The following GEN1 variants were observed in gnomAD, a reference collection of about 807,000 sequenced individuals.
GEN1 encodes the protein flap endonuclease GEN homolog 1.
Under a neutral mutation model 67.6 loss-of-function variants are expected in GEN1, and 64 were observed. The observed-to-expected ratio is 0.95, with a 90% CI of 0.77 to 1.17. The LOEUF (loss-of-function observed/expected upper bound fraction) is 1.17. Among genes scored for constraint, GEN1 ranks in the 50% most tolerant of loss-of-function variants. The probability of loss-of-function intolerance (pLI) is 0.00; values close to 1 mark genes in which losing one functional copy is unlikely to be tolerated. For synonymous variants in GEN1, 371 were observed against 359.4 expected, an observed-to-expected ratio of 1.03 and a Z score of -0.37; for missense variants, 1,058 against 1,048.3, an observed-to-expected ratio of 1.01 and a Z score of -0.13.
chr2:17,769,059 G>A (rs527835164), intron 6 of GEN1, among the ~76,000 whole-genome samples: 78 of 151,358 alleles, frequency 5.2e-4, no homozygotes, highest in Non-Finnish European at 9.9e-4. Flanking sequence ...TCACTGTGTC[G>A]CCTAGGCTGC....
In GEN1 at chr2:17,780,974, A is replaced by T; in HGVS notation, c.1762A>T (p.Ile588Phe). ...SVIADLHLST[I>F]DWEGTSFSNS... The stretch of plus-strand genomic sequence containing the variant: ...GATTGCTGATCTACACTTGAGCACT[A>T]TTGACTGGGAAGGTACTTCTTTTAG... The change falls in exon 14 of 14, where the codon ATT becomes TTT. Residue 588 changes from isoleucine to phenylalanine, a missense_variant. Transcript: ENST00000381254. The T allele has an allele frequency of 1.2e-6, 2 of 1,613,460 alleles. No individual in the cohort carries two copies. The highest frequency in any genetic ancestry group is 1.7e-6 in the Non-Finnish European group (2 of 1,179,494).
chr2:17,768,283 A>G (rs1681012380), intron 5 of GEN1, among the ~76,000 whole-genome samples: 1 of 152,142 alleles, frequency 6.6e-6, no homozygotes, highest in South Asian at 2.1e-4. Context: ...TTCAAGAGTT[A>G]ACTTAAAACG....
intron 12 of GEN1, among the ~76,000 whole-genome samples, chr2:17,778,327 TAC>T (rs1672614700): frequency 1.9e-5 from 1 of 53,290 alleles, no homozygotes; most frequent in Non-Finnish European, 3.6e-5. Flanking sequence ...CACACACGTG[TAC>T]ATATATGTAT....
chr2:17,765,122 T>C, intron 4 of GEN1, 49 bp downstream of exon 4: 1 of 1,546,302 alleles, frequency 6.5e-7, no homozygotes, highest in South Asian at 1.1e-5. Context: ...AACTACCTTT[T>C]TTAAAGGGCT....
Position 17,782,051 on chromosome 2 carries a change from A to G in GEN1, c.*112A>G, listed in dbSNP as rs1004051596. ...TAAAAATTTTAATGTTCTCTGTGTCATGAAACACTTGCCATTTTAATCAAA... is the reference window on the plus strand; with the variant it reads ...TAAAAATTTTAATGTTCTCTGTGTCGTGAAACACTTGCCATTTTAATCAAA... On this transcript the variant is annotated 3_prime_UTR_variant, in exon 14 of 14. Coordinates refer to ENST00000381254, the MANE Select transcript of GEN1 (RefSeq NM_001130009.3). 1.9e-5 allele frequency: 11 copies of G among 589,128 alleles called. No individual in the cohort carries two copies. The highest frequency in any genetic ancestry group is 3.2e-5 in the South Asian group (1 of 31,596). The allele number at this position is 589,128 out of a possible 1,614,324, so 36.5% of individuals were successfully genotyped here. A position where few individuals can be genotyped will look rare whatever the true frequency, so the allele number is the denominator to read the frequency against.
At chr2:17,775,174 CAT>C (rs1156637834) in intron 11 of GEN1, among the ~76,000 whole-genome samples, 11 of 152,172 alleles carry the variant, frequency 7.2e-5, no homozygotes, top group East Asian at 5.8e-4. Context: ...AAGATGAAGA[CAT>C]ATGTCTGTAA....
At chr2:17,779,120 G>A (rs1439193480) in intron 12 of GEN1, among the ~76,000 whole-genome samples, 3 of 152,028 alleles carry the variant, frequency 2.0e-5, no homozygotes, top group Non-Finnish European at 4.4e-5. Context: ...ATGGAGTTTC[G>A]TTATTTTGGC....
intron 4 of GEN1, 86 bp from the exon 5 acceptor site, chr2:17,766,493 T>C: frequency 1.3e-6 from 1 of 754,876 alleles, no homozygotes; most frequent in Non-Finnish European, 2.2e-6. Context: ...CATTTAAAGA[T>C]AACATTGACA....
In GEN1 at chr2:17,781,559, A is replaced by G. The variant is rs1672836801; in HGVS notation, c.2347A>G (p.Met783Val). 6.2e-7 allele frequency: 1 copy of G among 1,613,828 alleles called. No homozygotes were observed. The highest frequency in any genetic ancestry group is 1.7e-5 in the Admixed American group (1 of 60,008). The change falls in exon 14 of 14, where the codon ATG becomes GTG. Residue 783 changes from methionine (M) to valine (V), a missense_variant. By Grantham distance (21) the Met-to-Val change is conservative. Coordinates refer to ENST00000381254, the MANE Select transcript of GEN1 (RefSeq NM_001130009.3). Reference protein sequence around the residue: ...TALDHSRKVDMQTTRKILMKK... With the variant: ...TALDHSRKVDVQTTRKILMKK... ...TTTAGATCATAGTAGAAAAGTTGAT[A>G]TGCAAACCACTCGGAAAATTTTAAT...
chr2:17,761,969 A>G (rs542399767), intron 3 of GEN1, among the ~76,000 whole-genome samples: 1 of 152,314 alleles, frequency 6.6e-6, no homozygotes, highest in African/African-American at 2.4e-5. Context: ...ATGAGATCTC[A>G]TTAATTCGTA....
chr2:17,768,808 A>G lies in GEN1; in HGVS notation c.707A>G (p.Gln236Arg). 2.5e-6 allele frequency: 4 copies of G among 1,577,584 alleles called. No individual in the cohort carries two copies. The highest frequency in any genetic ancestry group is 3.5e-6 in the Non-Finnish European group (4 of 1,147,938). The change falls in exon 6 of 14, where the codon CAG (glutamine) becomes CGG (arginine). Residue 236 changes from glutamine to arginine, a missense_variant. Physicochemically the swap from Gln to Arg is conservative, Grantham distance 43 (BLOSUM62 1). Transcript: ENST00000381254. ...IQILKGQSLL[Q>R]RFNRWNETSC... ...ATTTTGAAAGGGCAAAGTTTACTTCAGAGGTAACTAATAATTACTTTCTCT... is the reference window on the plus strand; with the variant it reads ...ATTTTGAAAGGGCAAAGTTTACTTCGGAGGTAACTAATAATTACTTTCTCT...
intron 12 of GEN1, 120 bp downstream of exon 12, chr2:17,778,183 T>A (rs1351030563): frequency 2.4e-6 from 1 of 410,540 alleles, no homozygotes; most frequent in Non-Finnish European, 4.5e-6. Flanking sequence ...TGTATATATA[T>A]ATATACACAC....
intron 11 of GEN1, among the ~76,000 whole-genome samples, chr2:17,775,308 C>CA (rs1298816452): frequency 6.6e-6 from 1 of 151,906 alleles, no homozygotes; most frequent in Non-Finnish European, 1.5e-5. Flanking sequence ...AAACTTGGTC[C>CA]AAAAAAATTA....
chr2:17,786,858 C>G lies in GEN1; in HGVS notation c.*4919C>G, dbSNP rs1673075625. 6.6e-6 allele frequency: 1 copy of G among 152,160 alleles called. No homozygotes were observed. Among genetic ancestry groups the G allele is most frequent in the South Asian group, 2.1e-4 (1 of 4,828 alleles). 9.4% of individuals were successfully genotyped at this position (152,160 alleles called of 1,614,324 possible). A position where few individuals can be genotyped will look rare whatever the true frequency, so the allele number is the denominator to read the frequency against. On this transcript the variant is annotated 3_prime_UTR_variant, in exon 14 of 14. Transcript: ENST00000381254. ...TGTTTGACACAGTAACTACTAGATG[C>G]ATGAATGACAATTCTCCACAACGCC...
chr2:17,775,279 A>G (rs917808776), intron 11 of GEN1, among the ~76,000 whole-genome samples: 5 of 152,196 alleles, frequency 3.3e-5, no homozygotes, highest in African/African-American at 7.2e-5. Flanking sequence ...ATAAAAAGCA[A>G]TCAAGGGGTC....
rs201161991 is a variant in GEN1 at position 17,778,375 on chromosome 2, CACATAT to C, written c.1264+314_1264+319del. Among the ~76,000 whole-genome samples, 106 of 33,246 alleles carry C rather than the reference CACATAT, an allele frequency of 3.2e-3. 16 individuals carry two copies. The highest frequency in any genetic ancestry group is 0.02 in the East Asian group (2 of 102). 21.8% of individuals were successfully genotyped at this position (33,246 alleles called of 152,430 possible). On this transcript the variant is annotated intron_variant, in intron 12 of 13. Coordinates refer to ENST00000381254, the MANE Select transcript of GEN1 (RefSeq NM_001130009.3). ...GTGTGTACATATATGTATATACACA[CACATAT>C]ATGTGTGTACATATATGTATATACA...
At position 17,773,270 on chromosome 2, in the gene GEN1, T is replaced by C. The variant is rs868463279; in HGVS notation, c.1042T>C (p.Tyr348His). 2 of 1,599,340 alleles carry C rather than the reference T, an allele frequency of 1.3e-6. No homozygotes were observed. The highest frequency in any genetic ancestry group is 1.7e-6 in the Non-Finnish European group (2 of 1,170,260). The part of the protein sequence containing the change: ...NKDKLVKVIR[Y>H]QRPDLLLFQR... ...GGATAAATTGGTGAAGGTTATCAGG[T>C]ACCAAAGACCTGATTTGTTATTGTT... The change falls in exon 10 of 14, where the codon TAC (tyrosine) becomes CAC (histidine). Residue 348 changes from tyrosine (Y) to histidine (H), a missense_variant. Tyr to His is a moderately conservative substitution (Grantham distance 83). Coordinates refer to ENST00000381254, the MANE Select transcript of GEN1 (RefSeq NM_001130009.3).
intron 11 of GEN1, among the ~76,000 whole-genome samples, chr2:17,775,644 A>G (rs1419046311): frequency 6.6e-6 from 1 of 152,350 alleles, no homozygotes; most frequent in African/African-American, 2.4e-5. Flanking sequence ...CAGAGAAAGG[A>G]TAGTCACAGT....
At chr2:17,770,549 C>T (rs561631231) in intron 6 of GEN1, among the ~76,000 whole-genome samples, 1 of 152,124 alleles carries the variant, frequency 6.6e-6, no homozygotes, top group East Asian at 1.9e-4. Context: ...CTAACCATAC[C>T]CTTTGTGGCT....
Sources: gnomAD v4.1 joint callset for allele counts (sites outside exome capture counted in the v4.1 genomes callset) on GRCh38, gnomAD v4.1.1 for gene constraint, MANE v1.5 for transcripts, NCBI Gene and HGNC (gene_info 2026-07-23, HGNC 2026-07-21) for gene names.